Variants in SIN3B observed in about 807,000 individuals in gnomAD.
SIN3B encodes the protein paired amphipathic helix protein Sin3b.
In SIN3B, 19 loss-of-function variants were observed where a neutral mutation model predicts 120.2. The observed-to-expected ratio is 0.16, with a 90% CI of 0.11 to 0.23. The LOEUF (loss-of-function observed/expected upper bound fraction) is 0.23, where lower values mean the gene tolerates loss of function less well. SIN3B is among the 10% of genes least tolerant of loss of function. The pLI, the probability that SIN3B is intolerant of heterozygous loss-of-function variation, is 1.00. For synonymous variants in SIN3B, 654 were observed against 653.2 expected, an observed-to-expected ratio of 1.00 and a Z score of -0.02; for missense variants, 1,073 against 1,573.0, an observed-to-expected ratio of 0.68 and a Z score of 5.38.
intron 3 of SIN3B, among the ~76,000 whole-genome samples, chr19:16,835,916 C>G (rs1312292816): frequency 1.3e-5 from 2 of 152,152 alleles, no homozygotes; most frequent in Non-Finnish European, 2.9e-5. Context: ...TTTGGGATTA[C>G]AGGTGTGACC....
intron 8 of SIN3B, chr19:16,855,570 A>T (rs1000764998): frequency 1.3e-5 from 2 of 151,638 alleles, no homozygotes; most frequent in Admixed American, 6.6e-5. Flanking sequence ...AAAATACAAA[A>T]ATTAGCCGGG....
intron 7 of SIN3B, among the ~76,000 whole-genome samples, chr19:16,853,668 G>C (rs540054839): frequency 2.0e-5 from 3 of 151,634 alleles, no homozygotes; most frequent in Non-Finnish European, 2.9e-5. Context: ...CATGGATTGC[G>C]TGCATGGGCT....
intron 8 of SIN3B, chr19:16,855,535 A>G (rs1195987668): frequency 2.0e-5 from 3 of 151,990 alleles, no homozygotes. Flanking sequence ...AGCCTGGCCA[A>G]CATGGTGGAA....
Position 16,841,348 on chromosome 19 carries a change from C to A in SIN3B, c.382-420C>A, listed in dbSNP as rs372630035. ...CCCCATCTTATATATCCTACCTTGGCATCACTGCTGGCAGCAGTTGCCTTT... is the reference window on the plus strand; with the variant it reads ...CCCCATCTTATATATCCTACCTTGGAATCACTGCTGGCAGCAGTTGCCTTT... On this transcript the variant is annotated intron_variant, in intron 3 of 18. Coordinates refer to ENST00000248054, the MANE Select transcript of SIN3B (RefSeq NM_001297595.2). Among the ~76,000 whole-genome samples, 78 of 152,276 alleles carry A rather than the reference C, an allele frequency of 5.1e-4. 1 individual carries two copies. The highest frequency in any genetic ancestry group is 1.8e-3 in the African/African-American group (76 of 41,550).
At chr19:16,875,443 T>G (rs1233905479) in intron 14 of SIN3B, among the ~76,000 whole-genome samples, 2 of 140,710 alleles carry the variant, frequency 1.4e-5, no homozygotes, top group Non-Finnish European at 3.1e-5. Flanking sequence ...GGTCTGGTTT[T>G]GGTCTGGTTT....
intron 3 of SIN3B, among the ~76,000 whole-genome samples, chr19:16,836,487 C>T (rs1448060746): frequency 1.3e-5 from 2 of 152,160 alleles, no homozygotes; most frequent in African/African-American, 4.8e-5. Context: ...GTCATTCTTA[C>T]ACCACCCTGG....
rs545912284 is a variant in SIN3B, at chr19:16,849,530, A to G, written c.727-1882A>G. Among the ~76,000 whole-genome samples, 81 of 152,354 alleles carry G rather than the reference A, an allele frequency of 5.3e-4. 1 individual carries two copies. In the South Asian group the frequency reaches 0.016, roughly 29 times the overall value. ...TAGGTGCTGATAAAAAATTTTATTT[A>G]TGAGAACAACAGGCCCTGTGTTAAT... On this transcript the variant is annotated intron_variant, in intron 5 of 18. Coordinates refer to ENST00000248054, the MANE Select transcript of SIN3B (RefSeq NM_001297595.2).
intron 2 of SIN3B, among the ~76,000 whole-genome samples, chr19:16,830,518 G>C (rs1295947606): frequency 6.6e-6 from 1 of 152,172 alleles, no homozygotes; most frequent in Non-Finnish European, 1.5e-5. Context: ...ACTGAGGTTT[G>C]GAGTGGGTAA....
chr19:16,836,953 A>T (rs1273008091), intron 3 of SIN3B, among the ~76,000 whole-genome samples: 1 of 152,046 alleles, frequency 6.6e-6, no homozygotes, highest in East Asian at 1.9e-4. Context: ...CCTGGGGTTT[A>T]TTCAGAGGCC....
rs1971247666 is a variant in SIN3B, at chr19:16,829,427, C to G, written c.7C>G (p.His3Asp). MA[H>D]AGGGSGGSGA... Reference sequence around the variant, plus strand: ...CGCAGCTCCGACTTCGGACATGGCGCACGCTGGCGGTGGCAGCGGTGGCAG... The same window carrying G: ...CGCAGCTCCGACTTCGGACATGGCGGACGCTGGCGGTGGCAGCGGTGGCAG... Residue 3 changes from histidine (H) to aspartate (D), a missense_variant, in exon 1 of 19, where the codon CAC (histidine) becomes GAC (aspartate). Physicochemically the swap from His to Asp is moderately conservative, Grantham distance 81 (BLOSUM62 -1). Transcript: ENST00000248054. 1 of 1,206,138 alleles carries G rather than the reference C, an allele frequency of 8.3e-7. No individual in the cohort carries two copies. Among genetic ancestry groups the G allele is most frequent in the Non-Finnish European group, 1.0e-6 (1 of 971,328 alleles). The allele number at this position is 1,206,138 out of a possible 1,614,324, so 74.7% of individuals were successfully genotyped here.
At position 16,878,766 on chromosome 19, in the gene SIN3B, A is replaced by ACGT. The variant is rs2051649660; in HGVS notation, c.*40_*41insGTC. On this transcript the variant is annotated 3_prime_UTR_variant, in exon 19 of 19. Coordinates refer to ENST00000248054, the MANE Select transcript of SIN3B (RefSeq NM_001297595.2). ...GCACCGGGCAGGCGCCTCACAGAGC[A>ACGT]CAGACGTGCCCTCGGCCTTGGTCGT... 3 of 1,530,040 alleles carry ACGT rather than the reference A, an allele frequency of 2.0e-6. No homozygotes were observed. The highest frequency in any genetic ancestry group is 2.6e-6 in the Non-Finnish European group (3 of 1,135,044). 94.8% of individuals were successfully genotyped at this position (1,530,040 alleles called of 1,614,324 possible). A position where few individuals can be genotyped will look rare whatever the true frequency, so the allele number is the denominator to read the frequency against.
At chr19:16,834,466 G>A (rs1293535977) in intron 3 of SIN3B, among the ~76,000 whole-genome samples, 2 of 152,188 alleles carry the variant, frequency 1.3e-5, no homozygotes, top group African/African-American at 4.8e-5. Context: ...ACCGTGGAGG[G>A]CTGGCAGTCT....
chr19:16,829,957 G>T, intron 2 of SIN3B, 60 bp downstream of exon 2: 3 of 1,209,228 alleles, frequency 2.5e-6, no homozygotes, highest in African/African-American at 1.5e-5. Flanking sequence ...CGGGCCTAGC[G>T]GGGTGAGACC....
At chr19:16,831,946 G>C (rs368484204) in intron 3 of SIN3B, among the ~76,000 whole-genome samples, 1 of 152,294 alleles carries the variant, frequency 6.6e-6, no homozygotes, top group East Asian at 1.9e-4. Flanking sequence ...AGCAGTTGCT[G>C]AGGTCTTGGC....
rs1252349682 is a variant in SIN3B, at chr19:16,865,545, A to G, written c.1519A>G (p.Ile507Val). 6.8e-6 allele frequency: 11 copies of G among 1,613,478 alleles called. No homozygotes were observed. The highest frequency in any genetic ancestry group is 9.3e-6 in the Non-Finnish European group (11 of 1,179,806). Residue 507 changes from isoleucine to valine, a missense_variant, in exon 11 of 19, where the codon ATC becomes GTC. Coordinates refer to ENST00000248054, the MANE Select transcript of SIN3B (RefSeq NM_001297595.2). ...CTCCCTGGGAGGCACGTCGGAGGTGATCCAGCGCCGTGCCATTTATCGCAT... is the reference window on the plus strand; with the variant it reads ...CTCCCTGGGAGGCACGTCGGAGGTGGTCCAGCGCCGTGCCATTTATCGCAT... The part of the protein sequence containing the change: ...DDSLGGTSEV[I>V]QRRAIYRIYG...
intron 13 of SIN3B, 39 bp from the exon 14 acceptor site, chr19:16,871,190 C>T (rs376433845): frequency 3.3e-5 from 54 of 1,613,326 alleles, no homozygotes; most frequent in African/African-American, 6.7e-5. Flanking sequence ...ACTTTGCGCT[C>T]TCCAGGAGGC....
chr19:16,837,121 G>T (rs868531377), intron 3 of SIN3B, among the ~76,000 whole-genome samples: 3 of 152,118 alleles, frequency 2.0e-5, no homozygotes, highest in Non-Finnish European at 2.9e-5. Context: ...ATGAGGGACT[G>T]TTCCTGGTGG....
intron 8 of SIN3B, among the ~76,000 whole-genome samples, chr19:16,861,423 T>C (rs1330389952): frequency 6.6e-6 from 1 of 152,110 alleles, no homozygotes; most frequent in Non-Finnish European, 1.5e-5. Context: ...GGCCAGGAGT[T>C]CAAGACCAGC....
In SIN3B at chr19:16,847,051, C is replaced by T. The variant is rs1971488454; in HGVS notation, c.664C>T (p.Arg222Trp). The T allele has an allele frequency of 7.4e-6, 12 of 1,614,178 alleles. No individual in the cohort carries two copies. Among genetic ancestry groups the T allele is most frequent in the South Asian group, 1.1e-5 (1 of 91,090 alleles). The change falls in exon 5 of 19, where the codon CGG (arginine) becomes TGG (tryptophan). Residue 222 changes from arginine to tryptophan, a missense_variant. Physicochemically the swap from Arg to Trp is moderately radical, Grantham distance 101. Around this residue, in one of 7 missense-constraint regions of SIN3B, gnomAD observed 395 missense variants for 528.0 expected, o/e 0.75. Coordinates refer to ENST00000248054, the MANE Select transcript of SIN3B (RefSeq NM_001297595.2). Reference sequence around the variant, plus strand: ...GTTCACCGAGGTGGCCAACCTCTTCCGGGGCCAGGAGGACCTGCTCTCAGA... The same window carrying T: ...GTTCACCGAGGTGGCCAACCTCTTCTGGGGCCAGGAGGACCTGCTCTCAGA... Reference protein sequence around the residue: ...EVFTEVANLFRGQEDLLSEFG... With the variant: ...EVFTEVANLFWGQEDLLSEFG...
Sources: gnomAD v4.1 joint callset for allele counts (sites outside exome capture counted in the v4.1 genomes callset) on GRCh38, gnomAD v4.1.1 for gene constraint, gnomAD v4.1.1 regional missense constraint, MANE v1.5 for transcripts, NCBI Gene and HGNC (gene_info 2026-07-23, HGNC 2026-07-21) for gene names.